Variants in ZHX2 observed in about 807,000 individuals in gnomAD.
ZHX2 encodes zinc fingers and homeoboxes protein 2.
Under a neutral mutation model 21.9 loss-of-function variants are expected in ZHX2, and 6 were observed. The observed-to-expected ratio is 0.27, with a 90% CI of 0.15 to 0.54. The LOEUF is 0.54. Among genes scored for constraint, ZHX2 ranks in the 20% least tolerant of loss-of-function variants. The pLI is 0.95. For synonymous variants in ZHX2, 434 were observed against 437.1 expected (o/e 0.99, Z 0.09); for missense variants, 908 against 1,090.7 (o/e 0.83, Z 2.36).
intron 3 of ZHX2, among the ~76,000 whole-genome samples, chr8:122,963,003 T>C (rs1228835556): frequency 6.6e-6 from 1 of 152,240 alleles, no homozygotes; most frequent in Non-Finnish European, 1.5e-5. Flanking sequence ...TTGAGTTCCT[T>C]GTAGATTCTG....
chr8:122,836,196 C>T (rs114647192), intron 1 of ZHX2, among the ~76,000 whole-genome samples: 184 of 152,330 alleles, frequency 1.2e-3, no homozygotes, highest in African/African-American at 4.2e-3. Flanking sequence ...AAGTGCCTGA[C>T]ACACACCGGA....
chr8:122,949,237 C>T (rs1054294527), intron 2 of ZHX2, among the ~76,000 whole-genome samples: 4 of 151,778 alleles, frequency 2.6e-5, no homozygotes, highest in African/African-American at 4.8e-5. Context: ...GCAGGAGAAT[C>T]GTTTGAACCT....
At chr8:122,930,995 G>A (rs1820977019) in intron 2 of ZHX2, among the ~76,000 whole-genome samples, 1 of 152,016 alleles carries the variant, frequency 6.6e-6, no homozygotes, top group Admixed American at 6.5e-5. Flanking sequence ...CTGGCCTGAG[G>A]GCTGTTCCAG....
At chr8:122,903,492 G>A (rs1232603764) in intron 2 of ZHX2, among the ~76,000 whole-genome samples, 1 of 152,226 alleles carries the variant, frequency 6.6e-6, no homozygotes, top group Non-Finnish European at 1.5e-5. Context: ...GAGAACGTGG[G>A]CATTGAGAAA....
chr8:122,958,788 G>A (rs1406107948), intron 3 of ZHX2, among the ~76,000 whole-genome samples: 1 of 152,190 alleles, frequency 6.6e-6, no homozygotes, highest in Non-Finnish European at 1.5e-5. Context: ...TTTTGTGTGG[G>A]AGTGGAAACT....
chr8:122,950,784 T>TG lies in ZHX2; in HGVS notation c.-219-501dup, dbSNP rs557117234. Among the ~76,000 whole-genome samples the TG allele has an allele frequency of 8.8e-3, 1,332 of 151,992 alleles. 17 individuals carry two copies. The highest frequency in any genetic ancestry group is 0.031 in the African/African-American group (1,264 of 41,400). ...GAGATGAACTATAAAACTGCAATAT[T>TG]GGGGGGGTGATTGCTTTTTTTTTCT... On this transcript the variant is annotated intron_variant, in intron 2 of 3. Transcript: ENST00000314393.
intron 3 of ZHX2, among the ~76,000 whole-genome samples, chr8:122,967,204 T>C (rs940332521): frequency 6.6e-6 from 1 of 152,246 alleles, no homozygotes; most frequent in Non-Finnish European, 1.5e-5. Context: ...TGTGATCTTA[T>C]GGGAGTGTTT....
chr8:122,960,080 C>A (rs1813406083), intron 3 of ZHX2, among the ~76,000 whole-genome samples: 1 of 152,182 alleles, frequency 6.6e-6, no homozygotes, highest in South Asian at 2.1e-4. Context: ...CATGTCCCTG[C>A]CCTCATGGAG....
chr8:122,942,641 A>T (rs534873709), intron 2 of ZHX2, among the ~76,000 whole-genome samples: 1 of 151,246 alleles, frequency 6.6e-6, no homozygotes, highest in South Asian at 2.1e-4. Context: ...CTGCAGTCTG[A>T]CTCCTCACCT....
intron 1 of ZHX2, among the ~76,000 whole-genome samples, chr8:122,849,250 G>T (rs1190789137): frequency 6.6e-6 from 1 of 152,162 alleles, no homozygotes; most frequent in African/African-American, 2.4e-5. Context: ...ATGTGAAGTT[G>T]ATGCTGCCTA....
chr8:122,856,740 A>T (rs1288228316), intron 1 of ZHX2, among the ~76,000 whole-genome samples: 1 of 152,136 alleles, frequency 6.6e-6, no homozygotes, highest in African/African-American at 2.4e-5. Context: ...GCCCTTCTAA[A>T]GATCGCAGGG....
intron 2 of ZHX2, among the ~76,000 whole-genome samples, chr8:122,868,100 C>G (rs551319155): frequency 5.9e-5 from 9 of 152,296 alleles, no homozygotes; most frequent in Admixed American, 2.6e-4. Context: ...GCGGGTTTCT[C>G]TAGTACAGAC....
In ZHX2 at chr8:122,793,743, C is replaced by T. The variant is rs979193665; in HGVS notation, c.-283+11797C>T. On this transcript the variant is annotated intron_variant, in intron 1 of 3. Coordinates refer to ENST00000314393, the MANE Select transcript of ZHX2 (RefSeq NM_014943.5). Reference sequence around the variant, plus strand: ...TTCTTTCCAGTTTGGTCAAAGCCTACGTAGATTCCGCACATGGCTCAAATG... The same window carrying T: ...TTCTTTCCAGTTTGGTCAAAGCCTATGTAGATTCCGCACATGGCTCAAATG... Among the ~76,000 whole-genome samples the T allele has an allele frequency of 9.9e-5, 15 of 152,194 alleles. No homozygotes were observed. The South Asian group carries it at 1.0e-3, about 11-fold the overall frequency.
rs560809767 is a variant in ZHX2 at position 122,876,521 on chromosome 8, G to T, written c.-220+12982G>T. Among the ~76,000 whole-genome samples the T allele has an allele frequency of 1.6e-4, 24 of 152,290 alleles. 1 individual carries two copies. Among genetic ancestry groups the T allele is most frequent in the East Asian group, 1.9e-4 (1 of 5,186 alleles). ...AAGCCATCAGTTTCCCCTGATCCCT[G>T]GATGCCATTTGTTGCCAGAAAATGC... is the stretch of plus-strand genomic sequence containing the variant. On this transcript the variant is annotated intron_variant, in intron 2 of 3. Transcript: ENST00000314393.
intron 1 of ZHX2, among the ~76,000 whole-genome samples, chr8:122,798,363 T>C (rs1230505054): frequency 2.0e-5 from 3 of 152,150 alleles, no homozygotes; most frequent in Admixed American, 6.5e-5. Context: ...TTATTCTCCA[T>C]TGAAGTTCCC....
intron 2 of ZHX2, among the ~76,000 whole-genome samples, chr8:122,942,428 A>G (rs1443915732): frequency 1.3e-5 from 2 of 152,308 alleles, no homozygotes; most frequent in East Asian, 3.9e-4. Context: ...TTCTCCTGAC[A>G]GCCCTAGTGA....
chr8:122,947,274 A>C (rs917320847), intron 2 of ZHX2, among the ~76,000 whole-genome samples: 1 of 151,862 alleles, frequency 6.6e-6, no homozygotes, highest in Non-Finnish European at 1.5e-5. Context: ...CTAAAAAAAA[A>C]AAAAACCTTT....
chr8:122,790,790 T>TA (rs1817500824), intron 1 of ZHX2, among the ~76,000 whole-genome samples: 1 of 152,140 alleles, frequency 6.6e-6, no homozygotes, highest in African/African-American at 2.4e-5. Flanking sequence ...GTATTTTTAG[T>TA]AGAGACGGGG....
At chr8:122,910,697 A>G (rs1820456532) in intron 2 of ZHX2, among the ~76,000 whole-genome samples, 1 of 150,088 alleles carries the variant, frequency 6.7e-6, no homozygotes, top group Admixed American at 6.6e-5. Flanking sequence ...AGGCTTGCCC[A>G]ATCGAGACCC....
Sources: allele counts gnomAD v4.1 joint callset (sites outside exome capture counted in the v4.1 genomes callset), GRCh38; gene constraint gnomAD v4.1.1; transcripts MANE v1.5; gene names NCBI Gene and HGNC (gene_info 2026-07-23, HGNC 2026-07-21).